ZBTB20: variants seen among roughly 807,000 people sequenced by gnomAD.
ZBTB20 encodes zinc finger and BTB domain-containing protein 20.
A neutral mutation model predicts 56.9 loss-of-function variants in ZBTB20; 9 were observed. The observed-to-expected ratio is 0.16, with a 90% CI of 0.10 to 0.28. The LOEUF (loss-of-function observed/expected upper bound fraction) is 0.28. Among genes scored for constraint, ZBTB20 ranks in the 10% least tolerant of loss-of-function variants. The probability of loss-of-function intolerance (pLI) is 1.00; values close to 1 mark genes in which losing one functional copy is unlikely to be tolerated. For missense variants in ZBTB20, 655 were observed against 1,003.0 expected, an observed-to-expected ratio of 0.65 and a Z score of 4.69; for synonymous variants, 417 against 420.7, an observed-to-expected ratio of 0.99 and a Z score of 0.11.
intron 3 of ZBTB20, among the ~76,000 whole-genome samples, chr3:114,937,767 G>A (rs1194827239): frequency 6.6e-6 from 1 of 152,010 alleles, no homozygotes; most frequent in African/African-American, 2.4e-5. Flanking sequence ...CTTCAGCCAC[G>A]TTTTGATAGG....
In ZBTB20 at chr3:114,351,825, T is replaced by C. The variant is rs1414932426; in HGVS notation, c.253A>G (p.Asn85Asp). 1.2e-6 allele frequency: 2 copies of C among 1,605,440 alleles called. No homozygotes were observed. The highest frequency in any genetic ancestry group is 1.7e-6 in the Non-Finnish European group (2 of 1,172,838). ...GTCTCGAGCACGGAATTGCTGAAGTTGTGAAGGTTGATGCTGTGAATGCGC... is the reference window on the plus strand; with the variant it reads ...GTCTCGAGCACGGAATTGCTGAAGTCGTGAAGGTTGATGCTGTGAATGCGC... ...TERIHSINLH[N>D]FSNSVLETLN... The change falls in exon 11 of 12, where the codon AAC becomes GAC. Residue 85 changes from asparagine (N) to aspartate (D), a missense_variant. Coordinates refer to ENST00000675478, the MANE Select transcript of ZBTB20 (RefSeq NM_001348800.3).
intron 8 of ZBTB20, among the ~76,000 whole-genome samples, chr3:114,387,091 C>T (rs2085231068): frequency 6.6e-6 from 1 of 152,028 alleles, no homozygotes; most frequent in Admixed American, 6.5e-5. Context: ...TATATCATCT[C>T]ATTGACTTAT....
chr3:114,800,061 G>A (rs907267895), intron 5 of ZBTB20, among the ~76,000 whole-genome samples: 1 of 151,860 alleles, frequency 6.6e-6, no homozygotes, highest in Non-Finnish European at 1.5e-5. Flanking sequence ...TCCACATCTG[G>A]CATTCCAACA....
chr3:114,544,169 G>A (rs1445533278), intron 6 of ZBTB20, among the ~76,000 whole-genome samples: 5 of 152,104 alleles, frequency 3.3e-5, no homozygotes, highest in Non-Finnish European at 5.9e-5. Context: ...ATAAAGCAGT[G>A]ACCATTTAAG....
intron 6 of ZBTB20, among the ~76,000 whole-genome samples, chr3:114,549,664 T>C (rs561418462): frequency 1.3e-5 from 2 of 152,234 alleles, no homozygotes; most frequent in East Asian, 3.9e-4. Flanking sequence ...TCTCTCTTTT[T>C]TCATTTCTCT....
In ZBTB20 at chr3:114,339,019, C is replaced by T. The variant is rs749619507; in HGVS notation, c.2212G>A (p.Val738Met). ...EQFNDHMRMH[V>M]SDG The stretch of plus-strand genomic sequence containing the variant: ...AAAGATACTACTTATCCGTCAGACA[C>T]ATGCATCCTCATGTGGTCGTTGAAC... The change falls in exon 12 of 12, where the codon GTG becomes ATG. Residue 738 changes from valine to methionine, a missense_variant. Physicochemically the swap from Val to Met is conservative, Grantham distance 21. Transcript: ENST00000675478. The surrounding 1 kb of genome is among the most constrained non-coding windows in gnomAD (Gnocchi z 4.2). 1 of 1,513,128 alleles carries T rather than the reference C, an allele frequency of 6.6e-7. No individual in the cohort carries two copies. The highest frequency in any genetic ancestry group is 8.9e-7 in the Non-Finnish European group (1 of 1,129,802). 93.7% of individuals were successfully genotyped at this position (1,513,128 alleles called of 1,614,324 possible).
chr3:115,053,378 T>C (rs1260081201), intron 2 of ZBTB20, among the ~76,000 whole-genome samples: 1 of 152,200 alleles, frequency 6.6e-6, no homozygotes, highest in Non-Finnish European at 1.5e-5. Flanking sequence ...CAAAGCTATG[T>C]ATTTTTTGGT....
chr3:114,401,364 G>A (rs2086814473), intron 7 of ZBTB20, among the ~76,000 whole-genome samples: 1 of 152,112 alleles, frequency 6.6e-6, no homozygotes, highest in East Asian at 1.9e-4. Flanking sequence ...CTCTTATACT[G>A]CATAAAAACC....
chr3:114,792,549 C>T (rs1345904466), intron 5 of ZBTB20, among the ~76,000 whole-genome samples: 1 of 152,094 alleles, frequency 6.6e-6, no homozygotes, highest in Admixed American at 6.6e-5. Context: ...TACTGATGCC[C>T]CACATCCCAT....
At chr3:115,107,042 A>G (rs1195054630) in intron 1 of ZBTB20, among the ~76,000 whole-genome samples, 20 of 152,364 alleles carry the variant, frequency 1.3e-4, no homozygotes, top group Admixed American at 1.0e-3. Context: ...GTCACATATT[A>G]AACACATCCT....
At chr3:114,808,454 T>C (rs571696142) in intron 4 of ZBTB20, among the ~76,000 whole-genome samples, 79 of 152,126 alleles carry the variant, frequency 5.2e-4, no homozygotes, top group Non-Finnish European at 1.1e-3. Flanking sequence ...ACTATTTGTT[T>C]ATAATATAGT....
chr3:114,502,789 C>T (rs1326912101), intron 6 of ZBTB20: 1 of 151,712 alleles, frequency 6.6e-6, no homozygotes, highest in Non-Finnish European at 1.5e-5. Context: ...TCCCTCCCTC[C>T]TTTCTTACAT....
chr3:114,484,290 C>A (rs141453266), intron 7 of ZBTB20, among the ~76,000 whole-genome samples: 1 of 152,262 alleles, frequency 6.6e-6, no homozygotes, highest in East Asian at 1.9e-4. Context: ...TTTAAACCCA[C>A]CAACGTAATA....
intron 6 of ZBTB20, among the ~76,000 whole-genome samples, chr3:114,609,723 T>C (rs2057415216): frequency 6.6e-6 from 1 of 151,980 alleles, no homozygotes; most frequent in South Asian, 2.1e-4. Context: ...CTGAATGGGG[T>C]AGGGCCTGAA....
intron 6 of ZBTB20, among the ~76,000 whole-genome samples, chr3:114,653,834 T>C (rs2060257056): frequency 6.6e-6 from 1 of 152,020 alleles, no homozygotes; most frequent in Non-Finnish European, 1.5e-5. Context: ...TTTGGTTTAC[T>C]ATGCCAGTTT....
intron 6 of ZBTB20, among the ~76,000 whole-genome samples, chr3:114,640,295 A>C (rs1408419002): frequency 6.6e-6 from 1 of 152,078 alleles, no homozygotes; most frequent in African/African-American, 2.4e-5. Flanking sequence ...GGCGGGGTGA[A>C]TGATTCTCAG....
At chr3:114,750,278 C>T (rs1317012699) in intron 5 of ZBTB20, among the ~76,000 whole-genome samples, 3 of 152,004 alleles carry the variant, frequency 2.0e-5, no homozygotes, top group East Asian at 1.9e-4. Flanking sequence ...CAAAGCAACA[C>T]GGAGAAGAAA....
At chr3:114,749,009 A>G (rs1343291042) in intron 5 of ZBTB20, among the ~76,000 whole-genome samples, 1 of 152,178 alleles carries the variant, frequency 6.6e-6, no homozygotes, top group African/African-American at 2.4e-5. Flanking sequence ...TTAGTTTTGG[A>G]GGAAAAGGTA....
rs190468685 is a variant in ZBTB20 at position 114,945,369 on chromosome 3, A to G, written c.-456+28997T>C. On this transcript the variant is annotated intron_variant, in intron 3 of 11. Coordinates refer to ENST00000675478, the MANE Select transcript of ZBTB20 (RefSeq NM_001348800.3). ...GTACACAGACAAGATTAGTATGCGT[A>G]TAAGTATAGAAAAATAATAAAAATA... Among the ~76,000 whole-genome samples the G allele has an allele frequency of 2.9e-3, 418 of 145,480 alleles. 15 individuals carry two copies. Among genetic ancestry groups the G allele is most frequent in the South Asian group, 0.016 (77 of 4,668 alleles).
Sources: gnomAD v4.1 joint callset for allele counts (sites outside exome capture counted in the v4.1 genomes callset) on GRCh38, gnomAD v4.1.1 for gene constraint, Gnocchi (gnomAD v3.1) non-coding constraint, MANE v1.5 for transcripts, NCBI Gene and HGNC (gene_info 2026-07-23, HGNC 2026-07-21) for gene names.